SLC18A1: variants seen among roughly 807,000 people sequenced by gnomAD.
The protein encoded by SLC18A1 is chromaffin granule amine transporter.
In SLC18A1, 69 loss-of-function variants were observed where a neutral mutation model predicts 53.7. That is an observed-to-expected ratio of 1.28 (90% CI 1.06 to 1.57). The LOEUF (loss-of-function observed/expected upper bound fraction) is 1.57. Among genes scored for constraint, SLC18A1 ranks in the 40% most tolerant of loss-of-function variants. SLC18A1 has a pLI of 0.00. For synonymous variants in SLC18A1, 320 were observed against 248.1 expected, an observed-to-expected ratio of 1.29 and a Z score of -2.72; for missense variants, 932 against 668.1, an observed-to-expected ratio of 1.40 and a Z score of -4.35.
intron 10 of SLC18A1, among the ~76,000 whole-genome samples, chr8:20,153,257 A>G (rs1200900463): frequency 2.6e-5 from 4 of 152,180 alleles, no homozygotes; most frequent in Non-Finnish European, 4.4e-5. Context: ...AGTTACAGAC[A>G]AGGAGTAGGC....
chr8:20,172,734 A>T (rs1158569668), intron 6 of SLC18A1, among the ~76,000 whole-genome samples: 1 of 152,204 alleles, frequency 6.6e-6, no homozygotes, highest in Non-Finnish European at 1.5e-5. Flanking sequence ...TTAGCAGAGC[A>T]TCTGGCAGCA....
intron 10 of SLC18A1, among the ~76,000 whole-genome samples, chr8:20,156,829 G>A (rs1487257805): frequency 2.0e-5 from 3 of 152,148 alleles, no homozygotes; most frequent in Non-Finnish European, 2.9e-5. Context: ...TGACTCAAAG[G>A]GTTACCTACA....
intron 15 of SLC18A1, among the ~76,000 whole-genome samples, chr8:20,146,307 C>T (rs1407214743): frequency 1.3e-5 from 2 of 152,148 alleles, no homozygotes; most frequent in African/African-American, 4.8e-5. Context: ...AAGAAACATG[C>T]ATAGGACCCT....
Position 20,164,537 on chromosome 8 carries a change from T to C in SLC18A1, c.1015+332A>G, listed in dbSNP as rs142921851. Among the ~76,000 whole-genome samples, 414 of 152,308 alleles carry C rather than the reference T, an allele frequency of 2.7e-3. 1 individual carries two copies. The highest frequency in any genetic ancestry group is 9.4e-3 in the African/African-American group (391 of 41,570). ...ATTTTAGCAATGAGAAAAGTGATGC[T>C]CAGAGGGTTTAAGGCATCTGCACAA... On this transcript the variant is annotated intron_variant, in intron 10 of 15. Transcript: ENST00000276373.
At chr8:20,159,419 C>G (rs2071761288) in intron 10 of SLC18A1, among the ~76,000 whole-genome samples, 1 of 151,918 alleles carries the variant, frequency 6.6e-6, no homozygotes, top group Non-Finnish European at 1.5e-5. Context: ...TCACACCTGA[C>G]CAATCACATA....
chr8:20,159,755 T>A (rs758649939), intron 10 of SLC18A1, among the ~76,000 whole-genome samples: 2 of 151,788 alleles, frequency 1.3e-5, no homozygotes, highest in Non-Finnish European at 2.9e-5. Context: ...AACAAAATAG[T>A]GCATATCAAA....
intron 8 of SLC18A1, among the ~76,000 whole-genome samples, chr8:20,169,446 A>T (rs1240774319): frequency 6.6e-6 from 1 of 151,168 alleles, no homozygotes; most frequent in Non-Finnish European, 1.5e-5. Context: ...TGATAGCTCC[A>T]TTGACATTAC....
intron 10 of SLC18A1, among the ~76,000 whole-genome samples, chr8:20,159,305 T>C (rs1042207279): frequency 2.3e-4 from 35 of 152,114 alleles, no homozygotes; most frequent in Admixed American, 2.0e-3. Flanking sequence ...GAGGGGGTAC[T>C]AACAGACAGG....
At chr8:20,148,572 G>A in intron 12 of SLC18A1, 3 of 803,112 alleles carry the variant, frequency 3.7e-6, no homozygotes, top group South Asian at 2.8e-5. Context: ...CTGTAAGCTA[G>A]AGGGGGCAGG....
intron 4 of SLC18A1, among the ~76,000 whole-genome samples, chr8:20,177,375 C>T (rs1304888028): frequency 6.6e-6 from 1 of 151,838 alleles, no homozygotes; most frequent in Non-Finnish European, 1.5e-5. Flanking sequence ...AGAAAGTAGA[C>T]AAGGAACAGA....
At chr8:20,161,923 A>T (rs1291832940) in intron 10 of SLC18A1, among the ~76,000 whole-genome samples, 1 of 152,152 alleles carries the variant, frequency 6.6e-6, no homozygotes, top group Non-Finnish European at 1.5e-5. Context: ...GTGCCCCTAC[A>T]GTTCCGTGAT....
chr8:20,160,720 C>G (rs1194433761), intron 10 of SLC18A1, among the ~76,000 whole-genome samples: 1 of 152,046 alleles, frequency 6.6e-6, no homozygotes, highest in African/African-American at 2.4e-5. Flanking sequence ...CATATTACCA[C>G]AGATTGGGTA....
At chr8:20,173,792 G>T (rs1585221016) in intron 5 of SLC18A1, among the ~76,000 whole-genome samples, 1 of 152,268 alleles carries the variant, frequency 6.6e-6, no homozygotes, top group Middle Eastern at 3.4e-3. Context: ...AGCTTCACTG[G>T]AGGCTTGCTC....
In SLC18A1 at chr8:20,181,072, A is replaced by C; in HGVS notation, c.-108T>G. The stretch of plus-strand genomic sequence containing the variant: ...ATGGAAGAGGGGAGGGAGTCTGCCC[A>C]GACGAAGGAAACTCACTATTAAAAC... On this transcript the variant is annotated 5_prime_UTR_variant, in exon 2 of 16. Coordinates refer to ENST00000276373, the MANE Select transcript of SLC18A1 (RefSeq NM_003053.4). The C allele has an allele frequency of 7.3e-7, 1 of 1,365,336 alleles. No individual in the cohort carries two copies. The allele number at this position is 1,365,336 out of a possible 1,614,324, so 84.6% of individuals were successfully genotyped here.
At position 20,147,411 on chromosome 8, in the gene SLC18A1, G is replaced by A; in HGVS notation, c.1331-20C>T. On this transcript the variant is annotated intron_variant, in intron 14 of 15. Transcript: ENST00000276373. ...ATGGACCTGGGAGGGATACATCAAA[G>A]TCATAAGTGTCTATGGAGCCTCCAT... 8 of 1,597,652 alleles carry A rather than the reference G, an allele frequency of 5.0e-6. No homozygotes were observed. Among genetic ancestry groups the A allele is most frequent in the Non-Finnish European group, 6.8e-6 (8 of 1,173,366 alleles).
At chr8:20,178,318 G>T in intron 4 of SLC18A1, 117 bp downstream of exon 4, 1 of 744,764 alleles carries the variant, frequency 1.3e-6, no homozygotes, top group Non-Finnish European at 2.2e-6. Flanking sequence ...CAATATTCCA[G>T]TCTGCTTAGT....
intron 15 of SLC18A1, 126 bp downstream of exon 15, chr8:20,147,132 G>T: frequency 9.9e-7 from 1 of 1,014,066 alleles, no homozygotes; most frequent in Non-Finnish European, 1.4e-6. Context: ...GGGAAACATG[G>T]CAAAGCAGAG....
At chr8:20,165,151 A>G in intron 8 of SLC18A1, 44 bp from the exon 9 acceptor site, 2 of 1,493,846 alleles carry the variant, frequency 1.3e-6, no homozygotes, top group Non-Finnish European at 1.9e-6. Context: ...TACAGTGCAT[A>G]CATCTCTCCT....
At chr8:20,163,188 TGAGA>T (rs1011109437) in intron 10 of SLC18A1, among the ~76,000 whole-genome samples, 1 of 152,112 alleles carries the variant, frequency 6.6e-6, no homozygotes, top group African/African-American at 2.4e-5. Context: ...AGAGCACACA[TGAGA>T]GAGATGTAAA....
Sources: allele counts gnomAD v4.1 joint callset (sites outside exome capture counted in the v4.1 genomes callset), GRCh38; gene constraint gnomAD v4.1.1; transcripts MANE v1.5; gene names NCBI Gene and HGNC (gene_info 2026-07-23, HGNC 2026-07-21).